Variants in ALK observed in about 807,000 individuals in gnomAD.
The protein encoded by ALK is ALK tyrosine kinase receptor.
A neutral mutation model predicts 163.1 loss-of-function variants in ALK; 74 were observed. The observed-to-expected ratio is 0.45, with a 90% CI of 0.38 to 0.55. The LOEUF is 0.55. Ranked by LOEUF, ALK falls within the 20% of genes least tolerant of loss-of-function variation. ALK has a pLI of 0.00. For missense variants in ALK, 2,063 were observed against 2,105.3 expected (o/e 0.98, Z 0.39); for synonymous variants, 960 against 843.2 (o/e 1.14, Z -2.40).
chr2:29,418,639 G>A (rs1669941100), intron 4 of ALK, among the ~76,000 whole-genome samples: 1 of 152,116 alleles, frequency 6.6e-6, no homozygotes, highest in Non-Finnish European at 1.5e-5. Flanking sequence ...GACAACATGT[G>A]GTATATGACT....
intron 11 of ALK, among the ~76,000 whole-genome samples, chr2:29,251,637 T>C (rs1268177026): frequency 6.6e-6 from 1 of 152,124 alleles, no homozygotes; most frequent in Non-Finnish European, 1.5e-5. Flanking sequence ...CCCCTGCAGG[T>C]GGGACAGGCG....
chr2:29,739,713 G>C (rs988607396), intron 1 of ALK, among the ~76,000 whole-genome samples: 1 of 152,076 alleles, frequency 6.6e-6, no homozygotes, highest in African/African-American at 2.4e-5. Context: ...TAATGAAGAT[G>C]AAAATTCTGC....
At chr2:29,919,108 C>A (rs1040911703) in intron 1 of ALK, among the ~76,000 whole-genome samples, 1 of 152,080 alleles carries the variant, frequency 6.6e-6, no homozygotes, top group African/African-American at 2.4e-5. Context: ...GTAAATGAAA[C>A]AGAAAAATCT....
chr2:29,496,678 C>T (rs1672032993), intron 4 of ALK, among the ~76,000 whole-genome samples: 1 of 152,090 alleles, frequency 6.6e-6, no homozygotes, highest in Non-Finnish European at 1.5e-5. Flanking sequence ...GTTGTATAAT[C>T]TAATCAAGGG....
intron 4 of ALK, among the ~76,000 whole-genome samples, chr2:29,462,926 A>G (rs1425276157): frequency 1.3e-5 from 2 of 152,210 alleles, no homozygotes; most frequent in African/African-American, 4.8e-5. Context: ...AATATAGCCA[A>G]TAACAAGGCA....
intron 13 of ALK, among the ~76,000 whole-genome samples, chr2:29,238,561 CT>C (rs1323181138): frequency 6.6e-6 from 1 of 152,062 alleles, no homozygotes; most frequent in Non-Finnish European, 1.5e-5. Flanking sequence ...ACCATTTTTT[CT>C]GCCTAGTGAG....
rs370163126 is a variant in ALK, at chr2:29,906,599, T to C, written c.667+13394A>G. On this transcript the variant is annotated intron_variant, in intron 1 of 28. Coordinates refer to ENST00000389048, the MANE Select transcript of ALK (RefSeq NM_004304.5). ...AAGTAAAAGACATAAGACAGAGAGA[T>C]CATAGATGTGGAGTTAAACAGGCTG... Among the ~76,000 whole-genome samples the C allele has an allele frequency of 3.9e-4, 59 of 152,214 alleles. No homozygotes were observed. In the South Asian group the frequency reaches 0.012, roughly 31 times the overall value.
chr2:29,381,188 T>C (rs769678762), intron 5 of ALK, among the ~76,000 whole-genome samples: 11 of 152,262 alleles, frequency 7.2e-5, no homozygotes, highest in Non-Finnish European at 1.0e-4. Context: ...TGAGCTTCAG[T>C]TTCCCCATCT....
At chr2:29,745,046 T>A (rs1211241082) in intron 1 of ALK, among the ~76,000 whole-genome samples, 1 of 152,212 alleles carries the variant, frequency 6.6e-6, no homozygotes, top group East Asian at 1.9e-4. Flanking sequence ...CCACATGGGT[T>A]AGAAAGTGAG....
chr2:29,432,129 A>G (rs899967894), intron 4 of ALK, among the ~76,000 whole-genome samples: 1 of 152,172 alleles, frequency 6.6e-6, no homozygotes, highest in African/African-American at 2.4e-5. Context: ...CTTGGATATC[A>G]GAAAAGAATA....
At chr2:29,811,682 A>G (rs1664765196) in intron 1 of ALK, among the ~76,000 whole-genome samples, 1 of 152,200 alleles carries the variant, frequency 6.6e-6, no homozygotes, top group Non-Finnish European at 1.5e-5. Flanking sequence ...ACCTGGCCAA[A>G]CAGAGGATGG....
chr2:29,196,237 C>T (rs115301317), intron 28 of ALK, among the ~76,000 whole-genome samples: 181 of 152,212 alleles, frequency 1.2e-3, no homozygotes, highest in African/African-American at 3.7e-3. Flanking sequence ...AAACGAAATA[C>T]GCAAAAAGTG....
At position 29,480,386 on chromosome 2, in the gene ALK, T is replaced by C. The variant is rs757887803; in HGVS notation, c.1154+51529A>G. ...GTAATATTTGTGATATTATTTTCTA[T>C]GTCTCTAAAATATTTCATAACTGAA... On this transcript the variant is annotated intron_variant, in intron 4 of 28. Transcript: ENST00000389048. 6.2e-4 allele frequency among the ~76,000 whole-genome samples: 94 copies of C among 152,342 alleles called. No individual in the cohort carries two copies. In the Middle Eastern group the frequency reaches 0.01, roughly 17 times the overall value.
chr2:29,306,623 AC>A (rs1666515217), intron 8 of ALK, among the ~76,000 whole-genome samples: 2 of 152,044 alleles, frequency 1.3e-5, no homozygotes, highest in African/African-American at 4.8e-5. Context: ...TGCATTTACA[AC>A]CATTGTCCTT....
At chr2:29,856,048 G>A (rs529119453) in intron 1 of ALK, among the ~76,000 whole-genome samples, 38 of 152,224 alleles carry the variant, frequency 2.5e-4, no homozygotes, top group South Asian at 8.3e-4. Flanking sequence ...GTACTGATAC[G>A]TTGTCTCTTC....
chr2:29,726,178 A>G (rs774409898), intron 1 of ALK, among the ~76,000 whole-genome samples: 1 of 152,096 alleles, frequency 6.6e-6, no homozygotes, highest in Non-Finnish European at 1.5e-5. Flanking sequence ...CCCCCGTAAG[A>G]CCTGAGTGCT....
intron 11 of ALK, among the ~76,000 whole-genome samples, chr2:29,263,728 C>T (rs1052280671): frequency 1.2e-4 from 19 of 152,104 alleles, no homozygotes; most frequent in South Asian, 2.1e-4. Context: ...TTGCAGCAGC[C>T]ATTTTGTAAC....
chr2:29,304,763 C>A (rs997036159), intron 8 of ALK, among the ~76,000 whole-genome samples: 4 of 152,198 alleles, frequency 2.6e-5, no homozygotes, highest in Non-Finnish European at 1.5e-5. Context: ...CTCCTCTGAA[C>A]CTGTATTTTG....
chr2:29,704,685 A>C (rs1382940772), intron 2 of ALK, among the ~76,000 whole-genome samples: 1 of 152,138 alleles, frequency 6.6e-6, no homozygotes, highest in Non-Finnish European at 1.5e-5. Context: ...TTCTTCTGCC[A>C]ACAAACTGCT....
Sources: allele counts gnomAD v4.1 joint callset (sites outside exome capture counted in the v4.1 genomes callset), GRCh38; gene constraint gnomAD v4.1.1; transcripts MANE v1.5; gene names NCBI Gene and HGNC (gene_info 2026-07-23, HGNC 2026-07-21).